The following TJAP1 variants were observed in gnomAD, a reference collection of about 807,000 sequenced individuals.
The protein encoded by TJAP1 is tight junction associated protein 1, also known as tight junction-associated protein 1.
Under a neutral mutation model 42.0 loss-of-function variants are expected in TJAP1, and 27 were observed. The observed-to-expected ratio is 0.64, with a 90% CI of 0.47 to 0.89. The LOEUF (loss-of-function observed/expected upper bound fraction) is 0.89, where lower values mean the gene tolerates loss of function less well. TJAP1 is among the 40% of genes least tolerant of loss of function. TJAP1 has a pLI of 0.00. For missense variants in TJAP1, 712 were observed against 726.9 expected (o/e 0.98, Z 0.24); for synonymous variants, 257 against 288.4 (o/e 0.89, Z 1.10).
Position 43,502,269 on chromosome 6 carries a change from T to G in TJAP1, c.291-14T>G. ...TCTTGACCCAGGGATGTGCCTTGTA[T>G]TATCCCTTTTCAGGCTGCAGAACAG... On this transcript the variant is annotated splice_polypyrimidine_tract_variant and intron_variant, in intron 6 of 10. Transcript: ENST00000372449. 2 of 1,613,754 alleles carry G rather than the reference T, an allele frequency of 1.2e-6. No homozygotes were observed. The highest frequency in any genetic ancestry group is 1.7e-6 in the Non-Finnish European group (2 of 1,179,832).
At chr6:43,504,685 C>T (rs940473878) in intron 10 of TJAP1, 76 bp from the exon 11 acceptor site, 20 of 1,545,004 alleles carry the variant, frequency 1.3e-5, no homozygotes, top group Non-Finnish European at 1.8e-5. Context: ...AAGGTGGGAG[C>T]CATTACTTTC....
chr6:43,498,891 T>C (rs1789859081), intron 3 of TJAP1, 87 bp from the exon 4 acceptor site: 1 of 1,427,382 alleles, frequency 7.0e-7, no homozygotes, highest in Middle Eastern at 1.9e-4. Flanking sequence ...CCTCAACATA[T>C]GTCCCCTTTC....
Position 43,502,272 on chromosome 6 carries a change from T to C in TJAP1, c.291-11T>C, listed in dbSNP as rs1297451672. ...TGACCCAGGGATGTGCCTTGTATTA[T>C]CCCTTTTCAGGCTGCAGAACAGCTA... On this transcript the variant is annotated splice_polypyrimidine_tract_variant and intron_variant, in intron 6 of 10. Transcript: ENST00000372449. The C allele has an allele frequency of 2.5e-6, 4 of 1,613,804 alleles. No individual in the cohort carries two copies. Among genetic ancestry groups the C allele is most frequent in the African/African-American group, 1.3e-5 (1 of 74,902 alleles).
At chr6:43,481,585 GA>G (rs200593295) in intron 2 of TJAP1, among the ~76,000 whole-genome samples, 3,195 of 120,286 alleles carry the variant, frequency 0.027, 43 homozygotes, top group South Asian at 0.053. Context: ...AAACTACACA[GA>G]AAAAAAAAAA....
chr6:43,482,362 C>T (rs1318117541), intron 2 of TJAP1, among the ~76,000 whole-genome samples: 1 of 152,132 alleles, frequency 6.6e-6, no homozygotes, highest in Non-Finnish European at 1.5e-5. Context: ...TCCTTCTCAC[C>T]ACCATATTTT....
chr6:43,501,541 G>T lies in TJAP1; in HGVS notation c.144G>T (p.Glu48Asp), dbSNP rs371853334. The change falls in exon 6 of 11, where the codon GAG (glutamate) becomes GAT (aspartate). Residue 48 changes from glutamate to aspartate, a missense_variant. Physicochemically the swap from Glu to Asp is conservative, Grantham distance 45. Around this residue, in one of 3 missense-constraint regions of TJAP1, gnomAD observed 158 missense variants for 182.1 expected, o/e 0.87. Coordinates refer to ENST00000372449, the Ensembl canonical transcript of TJAP1. ...ACCCTGCCAGGCTCTTACAGGAGGA[G>T]AATGAAGAGCTTCGCCGGCGCCTGG... is the stretch of plus-strand genomic sequence containing the variant. 4 of 1,613,544 alleles carry T rather than the reference G, an allele frequency of 2.5e-6. No individual in the cohort carries two copies. The African/African-American group carries it at 4.0e-5, about 16-fold the overall frequency.
chr6:43,503,881 T>C, intron 10 of TJAP1, 175 bp downstream of exon 10: 1 of 721,640 alleles, frequency 1.4e-6, no homozygotes, highest in South Asian at 1.5e-5. Context: ...TCCCGTGTAC[T>C]GTCCAGGGCC....
At chr6:43,506,054 A>C in exon 11 of TJAP1, 1 of 450,634 alleles carries the variant, frequency 2.2e-6, no homozygotes, top group Non-Finnish European at 3.7e-6. Context: ...AGCTTGCCTC[A>C]TGGTTTTCCC....
intron 6 of TJAP1, among the ~76,000 whole-genome samples, chr6:43,501,919 ACACACACACTCTCTCTCTCTCT>A (rs1460659041): frequency 4.9e-5 from 6 of 122,068 alleles, no homozygotes; most frequent in African/African-American, 2.1e-4. Flanking sequence ...ACACACACAC[ACACACACACTCTCTCTCTCTCT>A]CTCTCTCTCT....
chr6:43,505,705 G>T lies in TJAP1; in HGVS notation c.1524G>T (p.Glu508Asp). 6.3e-7 allele frequency: 1 copy of T among 1,592,380 alleles called. No individual in the cohort carries two copies. The change falls in exon 11 of 11, where the codon GAG becomes GAT. Residue 508 changes from glutamate (E) to aspartate (D), a missense_variant. By Grantham distance (45) the Glu-to-Asp change is conservative. Coordinates refer to ENST00000372449, the Ensembl canonical transcript of TJAP1. This position sits in a 1 kb window ranked among gnomAD's most constrained non-coding sequence, Gnocchi z 5.5. ...TGCCCATTAACAGGGGCACAGAGGAGGGGCCAGGCACTTCCCACACCGAGG... is the reference window on the plus strand; with the variant it reads ...TGCCCATTAACAGGGGCACAGAGGATGGGCCAGGCACTTCCCACACCGAGG...
At position 43,495,195 on chromosome 6, in the gene TJAP1, C is replaced by T. The variant is rs1788835290; in HGVS notation, c.-121-2686C>T. The stretch of plus-strand genomic sequence containing the variant: ...ACCACTCTGATGCCATCTGCCTCAC[C>T]CCTTTACCTTCTCCCAGCTTGCAGG... On this transcript the variant is annotated intron_variant, in intron 2 of 10. Transcript: ENST00000372449. The surrounding 1 kb of genome is among the most constrained non-coding windows in gnomAD (Gnocchi z 4.6). Among the ~76,000 whole-genome samples, 1 of 152,330 alleles carries T rather than the reference C, an allele frequency of 6.6e-6. No homozygotes were observed. Among genetic ancestry groups the T allele is most frequent in the East Asian group, 1.9e-4 (1 of 5,178 alleles).
intron 2 of TJAP1, among the ~76,000 whole-genome samples, chr6:43,493,106 G>C (rs1291130424): frequency 6.6e-6 from 1 of 152,134 alleles, no homozygotes; most frequent in African/African-American, 2.4e-5. Context: ...GAAACGGCTG[G>C]GTGTTCCTTT....
chr6:43,506,427 C>G (rs1019066245), exon 11 of TJAP1: 1 of 152,786 alleles, frequency 6.5e-6, no homozygotes, highest in African/African-American at 2.4e-5. Flanking sequence ...GCTCAGGGGC[C>G]TCAAGCTGGG....
At chr6:43,490,457 C>T (rs1000988503) in intron 2 of TJAP1, among the ~76,000 whole-genome samples, 1 of 152,200 alleles carries the variant, frequency 6.6e-6, no homozygotes, top group Non-Finnish European at 1.5e-5. Flanking sequence ...GACTTTTCTC[C>T]TAGATCAGAT....
chr6:43,503,747 C>G, intron 10 of TJAP1, 41 bp downstream of exon 10: 1 of 1,568,172 alleles, frequency 6.4e-7, no homozygotes, highest in South Asian at 1.1e-5. Flanking sequence ...ATAGACCATT[C>G]CGGCCACTGT....
intron 2 of TJAP1, among the ~76,000 whole-genome samples, chr6:43,493,059 G>A (rs1788166155): frequency 6.6e-6 from 1 of 152,162 alleles, no homozygotes; most frequent in African/African-American, 2.4e-5. Context: ...GGGTTCCAAG[G>A]GAATTAAGGT....
In TJAP1 at chr6:43,501,797, CTCCTT is replaced by C. The variant is rs932132088; in HGVS notation, c.290+113_290+117del. 6.1e-6 allele frequency: 4 copies of C among 654,686 alleles called. No homozygotes were observed. The African/African-American group carries it at 7.8e-5, about 13-fold the overall frequency. The allele number at this position is 654,686 out of a possible 1,614,324, so 40.6% of individuals were successfully genotyped here. A position where few individuals can be genotyped will look rare whatever the true frequency, so the allele number is the denominator to read the frequency against. On this transcript the variant is annotated intron_variant, in intron 6 of 10. Transcript: ENST00000372449. ...TCTCTCTCTCTGTGTCTCTGTCTCT[CTCCTT>C]TCATAGGAGGTTAGCTGGAAGATGC...
At chr6:43,498,850 A>T in intron 3 of TJAP1, 128 bp from the exon 4 acceptor site, 1 of 972,416 alleles carries the variant, frequency 1.0e-6, no homozygotes, top group Non-Finnish European at 1.5e-6. Context: ...TGACTCCAGT[A>T]ATGGCCCAGG....
chr6:43,479,150 G>A (rs144661863), intron 2 of TJAP1, among the ~76,000 whole-genome samples: 189 of 152,294 alleles, frequency 1.2e-3, no homozygotes, highest in Non-Finnish European at 2.0e-3. Context: ...TTCCTTTGGT[G>A]AGTGTTTTGC....
Sources: allele counts gnomAD v4.1 joint callset (sites outside exome capture counted in the v4.1 genomes callset), GRCh38; gene constraint gnomAD v4.1.1; regional missense constraint gnomAD v4.1.1; non-coding constraint Gnocchi (gnomAD v3.1); transcripts MANE v1.5; gene names NCBI Gene and HGNC (gene_info 2026-07-23, HGNC 2026-07-21).